The following NEXMIF variants were observed in gnomAD, a reference collection of about 807,000 sequenced individuals.
NEXMIF encodes XLMR protein related to neurite extension.
Under a neutral mutation model 62.1 loss-of-function variants are expected in NEXMIF, and 8 were observed. The ratio of observed to expected loss-of-function variants is 0.13; its 90% CI spans 0.08 to 0.23. The LOEUF is 0.23. NEXMIF is among the 10% of genes least tolerant of loss of function. The pLI, the probability that NEXMIF is intolerant of heterozygous loss-of-function variation, is 1.00. For synonymous variants in NEXMIF, 404 were observed against 416.6 expected, an observed-to-expected ratio of 0.97 and a Z score of 0.37; for missense variants, 976 against 1,113.3, an observed-to-expected ratio of 0.88 and a Z score of 1.75.
At position 74,740,134 on chromosome X, in the gene NEXMIF, C is replaced by T. The variant is rs1169423316; in HGVS notation, c.4423G>A (p.Asp1475Asn). Residue 1475 changes from aspartate to asparagine, a missense_variant, in exon 3 of 4, where the codon GAT becomes AAT. Coordinates refer to ENST00000055682, the MANE Select transcript of NEXMIF (RefSeq NM_001008537.3). ...TCAAAAGAAGCTGTCCCAGACTCAT[C>T]CTTGTGGACCTGTTCTCGCTCCATG... ...KHMEREQVHKDESGTASFEKL... is the reference protein window; with the variant it reads ...KHMEREQVHKNESGTASFEKL... 8.3e-7 allele frequency: 1 copy of T among 1,210,776 alleles called. No individual in the cohort carries two copies. Among genetic ancestry groups the T allele is most frequent in the Admixed American group, 2.2e-5 (1 of 45,932 alleles).
chrX:74,883,536 A>C (rs1257974600), intron 1 of NEXMIF, among the ~76,000 whole-genome samples: 1 of 112,112 alleles, frequency 8.9e-6, no homozygotes. Flanking sequence ...AACTGAAAGA[A>C]AGGGTATCAG....
chrX:74,778,488 G>A (rs1003731220), intron 1 of NEXMIF, among the ~76,000 whole-genome samples: 1 of 110,828 alleles, frequency 9.0e-6, no homozygotes, highest in Admixed American at 9.6e-5. Flanking sequence ...GTGCAGTGGT[G>A]CAATTACCTG....
chrX:74,857,926 C>T (rs2080541266), intron 1 of NEXMIF, among the ~76,000 whole-genome samples: 1 of 111,970 alleles, frequency 8.9e-6, no homozygotes, highest in Non-Finnish European at 1.9e-5. Flanking sequence ...TCTCTTCTGC[C>T]TGTGAAAAGA....
At chrX:74,792,426 T>C (rs1279610219) in intron 1 of NEXMIF, among the ~76,000 whole-genome samples, 1 of 106,023 alleles carries the variant, frequency 9.4e-6, no homozygotes, top group Non-Finnish European at 1.9e-5. Flanking sequence ...AGGTGTGGCG[T>C]GGTGCTGAAA....
At chrX:74,800,548 T>C (rs1244962147) in intron 1 of NEXMIF, among the ~76,000 whole-genome samples, 1 of 110,735 alleles carries the variant, frequency 9.0e-6, no homozygotes, top group Non-Finnish European at 1.9e-5. Context: ...ATCCCAAAAA[T>C]TCCCTCAAGC....
intron 1 of NEXMIF, among the ~76,000 whole-genome samples, chrX:74,829,851 T>A (rs2080430226): frequency 8.9e-6 from 1 of 112,186 alleles, no homozygotes; most frequent in Non-Finnish European, 1.9e-5. Flanking sequence ...TATTTCTTCT[T>A]TTTGGAAATG....
intron 1 of NEXMIF, among the ~76,000 whole-genome samples, chrX:74,839,471 T>A (rs2080467218): frequency 9.0e-6 from 1 of 111,638 alleles, no homozygotes; most frequent in South Asian, 3.8e-4. Flanking sequence ...ACATAGGAGG[T>A]TGTAACATGG....
chrX:74,783,744 C>T (rs1398352622), intron 1 of NEXMIF, among the ~76,000 whole-genome samples: 20 of 111,807 alleles, frequency 1.8e-4, no homozygotes, highest in Non-Finnish European at 2.3e-4. Flanking sequence ...AAGAGGCTTA[C>T]AGCAGCTAAA....
chrX:74,744,884 C>A (rs1357709779), intron 2 of NEXMIF, among the ~76,000 whole-genome samples: 2 of 106,435 alleles, frequency 1.9e-5, no homozygotes, highest in Middle Eastern at 4.4e-3. Flanking sequence ...CTACAAGTTC[C>A]TTTTCTTTTC....
chrX:74,774,642 A>G (rs1317978352), intron 1 of NEXMIF, among the ~76,000 whole-genome samples: 1 of 112,013 alleles, frequency 8.9e-6, no homozygotes, highest in Non-Finnish European at 1.9e-5. Flanking sequence ...TTAGGTAAGT[A>G]CTTTTAAAAA....
chrX:74,824,401 G>A (rs1423600917), intron 1 of NEXMIF, among the ~76,000 whole-genome samples: 1 of 111,670 alleles, frequency 9.0e-6, no homozygotes, highest in African/African-American at 3.3e-5. Context: ...CTTTCACTTA[G>A]CATAACTCCA....
At chrX:74,920,938 G>A (rs1029550329) in intron 1 of NEXMIF, among the ~76,000 whole-genome samples, 4 of 111,511 alleles carry the variant, frequency 3.6e-5, no homozygotes, top group Non-Finnish European at 7.5e-5. Flanking sequence ...GCTACTGAGG[G>A]TGAGAAGCTG....
At chrX:74,887,314 C>G (rs1179071100) in intron 1 of NEXMIF, among the ~76,000 whole-genome samples, 1 of 110,873 alleles carries the variant, frequency 9.0e-6, no homozygotes, top group African/African-American at 3.3e-5. Flanking sequence ...TCTAATTAAA[C>G]TAAAGAGCTT....
chrX:74,844,305 C>T (rs1422244060), intron 1 of NEXMIF, among the ~76,000 whole-genome samples: 1 of 111,208 alleles, frequency 9.0e-6, no homozygotes, highest in Non-Finnish European at 1.9e-5. Flanking sequence ...TCTGTATTTC[C>T]TGAATTTCAC....
At chrX:74,774,908 A>G (rs1602223613) in intron 1 of NEXMIF, among the ~76,000 whole-genome samples, 1 of 111,891 alleles carries the variant, frequency 8.9e-6, no homozygotes, top group East Asian at 2.8e-4. Context: ...ATCTTTTCCC[A>G]GTGCCAGTGA....
rs188993561 is a variant in NEXMIF at position 74,879,222 on chromosome X, G to A, written c.-48+45661C>T. On this transcript the variant is annotated intron_variant, in intron 1 of 3. Coordinates refer to ENST00000055682, the MANE Select transcript of NEXMIF (RefSeq NM_001008537.3). ...ATGTTGGTACAAGGGTTAAATTTCC[G>A]AAGAACACATTTCTCAGAAAGTATT... 3.5e-3 allele frequency among the ~76,000 whole-genome samples: 392 copies of A among 111,650 alleles called. 2 individuals are homozygous for A. Among genetic ancestry groups the A allele is most frequent in the African/African-American group, 0.012 (370 of 30,758 alleles).
chrX:74,824,750 G>A (rs1262912628), intron 1 of NEXMIF, among the ~76,000 whole-genome samples: 3 of 108,861 alleles, frequency 2.8e-5, no homozygotes, highest in Non-Finnish European at 3.8e-5. Flanking sequence ...CCGGATTCAC[G>A]CCATTCTCCT....
At chrX:74,745,729 T>C in intron 1 of NEXMIF, 32 bp from the exon 2 acceptor site, 1 of 643,623 alleles carries the variant, frequency 1.6e-6, no homozygotes, top group Non-Finnish European at 2.5e-6. Context: ...TATCAGTCAT[T>C]AAATTTGTTT....
At chrX:74,843,659 C>T (rs1004024939) in intron 1 of NEXMIF, among the ~76,000 whole-genome samples, 34 of 109,720 alleles carry the variant, frequency 3.1e-4, no homozygotes, top group African/African-American at 1.1e-3. Flanking sequence ...CGTGATCCGC[C>T]TGCCTCAGCC....
Sources: gnomAD v4.1 joint callset for allele counts (sites outside exome capture counted in the v4.1 genomes callset) on GRCh38, gnomAD v4.1.1 for gene constraint, MANE v1.5 for transcripts, NCBI Gene and HGNC (gene_info 2026-07-23, HGNC 2026-07-21) for gene names.